Variants in EVA1C observed in about 807,000 individuals in gnomAD.
EVA1C encodes protein eva-1 homolog C.
In EVA1C, 25 loss-of-function variants were observed where a neutral mutation model predicts 45.4. That is an observed-to-expected ratio of 0.55 (90% confidence interval 0.40 to 0.77). EVA1C has a LOEUF of 0.77. EVA1C is among the 30% of genes least tolerant of loss of function. EVA1C has a pLI of 0.00. For missense variants in EVA1C, 479 were observed against 554.8 expected (o/e 0.86, Z 1.37); for synonymous variants, 190 against 221.2 (o/e 0.86, Z 1.25).
chr21:32,477,339 G>A lies in EVA1C; in HGVS notation c.634+9491G>A, dbSNP rs78355428. On this transcript the variant is annotated intron_variant, in intron 4 of 7. Transcript: ENST00000300255. ...CACAGTTTGAGGATTTCATTACCCC[G>A]GCAACCCACTTCAAATATCAAAATG... is the stretch of plus-strand genomic sequence containing the variant. 5.4e-3 allele frequency among the ~76,000 whole-genome samples: 819 copies of A among 152,092 alleles called. 16 individuals carry two copies. The highest frequency in any genetic ancestry group is 0.034 in the Admixed American group (517 of 15,274).
At chr21:32,507,858 CGT>C (rs1379141685) in intron 7 of EVA1C, among the ~76,000 whole-genome samples, 1 of 144,146 alleles carries the variant, frequency 6.9e-6, no homozygotes, top group Non-Finnish European at 1.5e-5. Context: ...TATGCTTGTG[CGT>C]GTGTGCCGTC....
chr21:32,438,964 G>A (rs2035070780), intron 1 of EVA1C, among the ~76,000 whole-genome samples: 2 of 152,088 alleles, frequency 1.3e-5, no homozygotes, highest in South Asian at 2.1e-4. Context: ...AGCCAGGCTC[G>A]GTGGCTCATG....
chr21:32,493,813 T>TATTC (rs2037249645), intron 4 of EVA1C: 1 of 147,838 alleles, frequency 6.8e-6, no homozygotes, highest in African/African-American at 2.6e-5. Flanking sequence ...TTTATTTATT[T>TATTC]ATTTGAGACG....
At chr21:32,485,399 C>A (rs1374199770) in intron 4 of EVA1C, among the ~76,000 whole-genome samples, 1 of 152,114 alleles carries the variant, frequency 6.6e-6, no homozygotes, top group East Asian at 1.9e-4. Flanking sequence ...GAACTCCTGA[C>A]CTCAGGTGAT....
At chr21:32,496,759 C>G (rs2146414260) in intron 5 of EVA1C, 1 of 654,372 alleles carries the variant, frequency 1.5e-6, no homozygotes, top group East Asian at 2.7e-5. Context: ...TGGCCGGGGA[C>G]CGGGAAAGCT....
At position 32,439,239 on chromosome 21, in the gene EVA1C, C is replaced by CAAAAAAAAA. The variant is rs376611535; in HGVS notation, c.161-14072_161-14064dup. On this transcript the variant is annotated intron_variant, in intron 1 of 7. Coordinates refer to ENST00000300255, the MANE Select transcript of EVA1C (RefSeq NM_058187.5). ...TGGGCAACAGAGCAAGACTACATCTCAAAAAAAAAGATTGGGGCAATCAGA... is the reference window on the plus strand; with the variant it reads ...TGGGCAACAGAGCAAGACTACATCTCAAAAAAAAAAAAAAAAAAGATTGGGGCAATCAGA... Among the ~76,000 whole-genome samples, 8 of 110,786 alleles carry CAAAAAAAAA rather than the reference C, an allele frequency of 7.2e-5. 2 individuals carry two copies. The highest frequency in any genetic ancestry group is 9.7e-5 in the Admixed American group (1 of 10,258). 72.7% of individuals were successfully genotyped at this position (110,786 alleles called of 152,430 possible). A position where few individuals can be genotyped will look rare whatever the true frequency, so the allele number is the denominator to read the frequency against.
At chr21:32,494,950 T>G (rs748491186) in intron 4 of EVA1C, 77 bp from the exon 5 acceptor site, 192 of 1,408,180 alleles carry the variant, frequency 1.4e-4, no homozygotes, top group Non-Finnish European at 1.9e-4. Context: ...CATATTTATT[T>G]ACAGAGAATG....
chr21:32,443,027 AAGG>A (rs1328594835), intron 1 of EVA1C, among the ~76,000 whole-genome samples: 12 of 127,674 alleles, frequency 9.4e-5, no homozygotes, highest in Non-Finnish European at 5.0e-5. Context: ...GGAGGGAAGG[AAGG>A]AGGAAGGGTG....
chr21:32,445,700 CTT>C (rs2035338602), intron 1 of EVA1C, among the ~76,000 whole-genome samples: 1 of 152,180 alleles, frequency 6.6e-6, no homozygotes, highest in Non-Finnish European at 1.5e-5. Flanking sequence ...TCCTGCCACT[CTT>C]AGGGGTTCAT....
intron 3 of EVA1C, among the ~76,000 whole-genome samples, chr21:32,466,606 T>G (rs1326368604): frequency 6.6e-6 from 1 of 152,096 alleles, no homozygotes; most frequent in Non-Finnish European, 1.5e-5. Flanking sequence ...AAACAAACTT[T>G]TCCCTGAATT....
chr21:32,465,419 C>A (rs1210394505), intron 3 of EVA1C, among the ~76,000 whole-genome samples: 1 of 152,174 alleles, frequency 6.6e-6, no homozygotes, highest in Non-Finnish European at 1.5e-5. Flanking sequence ...CTCTTGTTTG[C>A]AGTTAACGCC....
intron 7 of EVA1C, among the ~76,000 whole-genome samples, chr21:32,513,756 G>A (rs1317820972): frequency 2.6e-5 from 4 of 151,226 alleles, no homozygotes; most frequent in African/African-American, 7.3e-5. Context: ...GCCCAAGCTG[G>A]TCTTGAACCC....
At chr21:32,478,552 A>G (rs1165662268) in intron 4 of EVA1C, among the ~76,000 whole-genome samples, 1 of 152,186 alleles carries the variant, frequency 6.6e-6, no homozygotes, top group African/African-American at 2.4e-5. Context: ...ACTGACCCAA[A>G]GTCTTTTCTG....
intron 4 of EVA1C, among the ~76,000 whole-genome samples, chr21:32,471,324 C>CTTT (rs796205289): frequency 8.5e-6 from 1 of 117,550 alleles, no homozygotes; most frequent in Non-Finnish European, 1.7e-5. Flanking sequence ...TCCTTTTTTT[C>CTTT]TTTTTTCTTT....
In EVA1C at chr21:32,514,891, A is replaced by G. The variant is rs1429569977; in HGVS notation, c.1027A>G (p.Ile343Val). ...GGCCCTCACACTGTGCGCCCTGGTC[A>G]TCAGAGAGTCCTGTGCCAAGGACTT... is the stretch of plus-strand genomic sequence containing the variant. ...GLALTLCALV[I>V]RESCAKDFRD... The change falls in exon 8 of 8, where the codon ATC becomes GTC. Residue 343 changes from isoleucine to valine, a missense_variant. Physicochemically the swap from Ile to Val is conservative, Grantham distance 29. This residue lies in a region of EVA1C where 366 missense variants were observed against 426.1 expected (regional missense o/e 0.86). Coordinates refer to ENST00000300255, the MANE Select transcript of EVA1C (RefSeq NM_058187.5). The G allele has an allele frequency of 6.2e-7, 1 of 1,613,908 alleles. No homozygotes were observed. The highest frequency in any genetic ancestry group is 1.1e-5 in the South Asian group (1 of 91,038).
intron 1 of EVA1C, among the ~76,000 whole-genome samples, chr21:32,423,070 C>A (rs75551091): frequency 2.7e-4 from 23 of 85,596 alleles, no homozygotes; most frequent in Non-Finnish European, 3.2e-4. Flanking sequence ...GACTCTGTCT[C>A]AAAAAAAAAA....
chr21:32,440,460 T>G (rs2035133295), intron 1 of EVA1C, among the ~76,000 whole-genome samples: 1 of 152,202 alleles, frequency 6.6e-6, no homozygotes, highest in South Asian at 2.1e-4. Context: ...GTGTTCATTT[T>G]TATAGGATTG....
At chr21:32,471,731 C>T in intron 4 of EVA1C, among the ~76,000 whole-genome samples, 1 of 151,916 alleles carries the variant, frequency 6.6e-6, no homozygotes, top group Non-Finnish European at 1.5e-5. Flanking sequence ...CAGTTTCATG[C>T]CATTCTCCTG....
chr21:32,458,158 T>C (rs2035858502), intron 3 of EVA1C, among the ~76,000 whole-genome samples: 1 of 152,140 alleles, frequency 6.6e-6, no homozygotes, highest in Admixed American at 6.5e-5. Context: ...CGCCCACTGC[T>C]TCAGATCTTT....
Sources: gnomAD v4.1 joint callset for allele counts (sites outside exome capture counted in the v4.1 genomes callset) on GRCh38, gnomAD v4.1.1 for gene constraint, gnomAD v4.1.1 regional missense constraint, MANE v1.5 for transcripts, NCBI Gene and HGNC (gene_info 2026-07-23, HGNC 2026-07-21) for gene names.